The following SUSD6 variants were observed in gnomAD, a reference collection of about 807,000 sequenced individuals.
The protein encoded by SUSD6 is sushi domain-containing protein 6.
A neutral mutation model predicts 28.4 loss-of-function variants in SUSD6; 16 were observed. That is an observed-to-expected ratio of 0.56 (90% CI 0.38 to 0.86). The LOEUF (loss-of-function observed/expected upper bound fraction) is 0.86. SUSD6 is among the 40% of genes least tolerant of loss of function. The pLI is 0.00. For missense variants in SUSD6, 341 were observed against 384.2 expected, an observed-to-expected ratio of 0.89 and a Z score of 0.94; for synonymous variants, 147 against 159.6, an observed-to-expected ratio of 0.92 and a Z score of 0.59.
At chr14:69,616,587 T>G (rs1884962413) in intron 1 of SUSD6, among the ~76,000 whole-genome samples, 1 of 152,228 alleles carries the variant, frequency 6.6e-6, no homozygotes, top group Non-Finnish European at 1.5e-5. Context: ...GTGATTTTGC[T>G]TAATTTGCAT....
At chr14:69,684,320 A>G (rs1043599598) in intron 2 of SUSD6, among the ~76,000 whole-genome samples, 5 of 152,220 alleles carry the variant, frequency 3.3e-5, no homozygotes, top group African/African-American at 1.2e-4. Context: ...GATTTTAAAT[A>G]AGAAATCTGA....
intron 1 of SUSD6, among the ~76,000 whole-genome samples, chr14:69,616,656 TG>T (rs1446429693): frequency 1.3e-5 from 2 of 152,094 alleles, no homozygotes; most frequent in African/African-American, 4.8e-5. Context: ...TGTTTTTTGG[TG>T]GGGAGGCACA....
At chr14:69,678,531 G>T (rs1885951175) in intron 2 of SUSD6, among the ~76,000 whole-genome samples, 3 of 152,108 alleles carry the variant, frequency 2.0e-5, no homozygotes, top group Admixed American at 1.3e-4. Flanking sequence ...GGCTGGGCAT[G>T]ATGGCTCACA....
chr14:69,682,544 TAAAA>T (rs997557080), intron 2 of SUSD6, among the ~76,000 whole-genome samples: 1 of 150,792 alleles, frequency 6.6e-6, no homozygotes, highest in Non-Finnish European at 1.5e-5. Flanking sequence ...TCTCCCCAAT[TAAAA>T]AAAAACAGAG....
rs1441114276 is a variant in SUSD6 at position 69,658,860 on chromosome 14, G to GAGCC, written c.121+150_121+153dup. 5 of 1,047,294 alleles carry GAGCC rather than the reference G, an allele frequency of 4.8e-6. No homozygotes were observed. The African/African-American group carries it at 7.9e-5, about 17-fold the overall frequency. 64.9% of individuals were successfully genotyped at this position (1,047,294 alleles called of 1,614,324 possible). A position where few individuals can be genotyped will look rare whatever the true frequency, so the allele number is the denominator to read the frequency against. On this transcript the variant is annotated intron_variant, in intron 2 of 5. Transcript: ENST00000342745. ...GGGCTTTTGTGGTAAATATAGCAGG[G>GAGCC]AGCCAGTCCTTCTGAGGTCTAATGA...
intron 2 of SUSD6, among the ~76,000 whole-genome samples, chr14:69,664,077 C>A (rs1885702725): frequency 6.6e-6 from 1 of 151,758 alleles, no homozygotes; most frequent in Non-Finnish European, 1.5e-5. Flanking sequence ...CTTCCAGGTT[C>A]ACGCCATTCT....
chr14:69,653,010 C>T (rs1225235144), intron 1 of SUSD6, among the ~76,000 whole-genome samples: 5 of 152,098 alleles, frequency 3.3e-5, no homozygotes, highest in Non-Finnish European at 4.4e-5. Context: ...ACAGAGTCTA[C>T]GGAGATAGTC....
At chr14:69,661,712 T>C (rs894594526) in intron 2 of SUSD6, among the ~76,000 whole-genome samples, 2 of 152,178 alleles carry the variant, frequency 1.3e-5, no homozygotes, top group Admixed American at 6.5e-5. Context: ...AGCAGGCTTG[T>C]CCAGAAACCA....
chr14:69,688,567 A>G (rs1594718563), intron 2 of SUSD6, among the ~76,000 whole-genome samples: 1 of 152,180 alleles, frequency 6.6e-6, no homozygotes, highest in Admixed American at 6.5e-5. Context: ...TGACCACAAG[A>G]TATCTTTGTA....
At chr14:69,628,281 C>G (rs1885144481) in intron 1 of SUSD6, among the ~76,000 whole-genome samples, 1 of 152,190 alleles carries the variant, frequency 6.6e-6, no homozygotes, top group African/African-American at 2.4e-5. Flanking sequence ...ATCACTTTCT[C>G]TCACCACGTG....
chr14:69,696,194 C>G (rs983929823), intron 2 of SUSD6, among the ~76,000 whole-genome samples: 3 of 152,224 alleles, frequency 2.0e-5, no homozygotes, highest in African/African-American at 7.2e-5. Flanking sequence ...GCCAGAGTTC[C>G]TGGTGAATCC....
intron 1 of SUSD6, among the ~76,000 whole-genome samples, chr14:69,647,764 C>T (rs577466642): frequency 6.6e-6 from 1 of 152,242 alleles, no homozygotes; most frequent in African/African-American, 2.4e-5. Context: ...GCAGGCAGAT[C>T]ACATGAGACC....
chr14:69,642,608 G>A (rs1344850758), intron 1 of SUSD6, among the ~76,000 whole-genome samples: 2 of 152,052 alleles, frequency 1.3e-5, no homozygotes, highest in African/African-American at 4.8e-5. Context: ...CATGAGAATA[G>A]CATGGGAAAG....
At chr14:69,612,560 C>T (rs1428842894) in intron 1 of SUSD6, among the ~76,000 whole-genome samples, 2 of 152,076 alleles carry the variant, frequency 1.3e-5, no homozygotes, top group African/African-American at 4.8e-5. Context: ...AAAAGTTACC[C>T]TGGACGAATT....
chr14:69,615,993 C>G (rs977994936), intron 1 of SUSD6, among the ~76,000 whole-genome samples: 1 of 152,178 alleles, frequency 6.6e-6, no homozygotes, highest in Admixed American at 6.5e-5. Context: ...AAATGTACTC[C>G]CCGCTCCTAC....
chr14:69,708,875 C>T lies in SUSD6; in HGVS notation c.657C>T (p.Asp219=). ...RSVPREQQLP[D]QGACSSAGGE... ...TGCCAAGGGAGCAACAGCTGCCGGA[C>T]CAAGGGGCCTGCTCCTCTGCAGGTG... The change falls in exon 5 of 6, where the codon GAC becomes GAT. Residue 219 remains aspartate, a synonymous_variant. Coordinates refer to ENST00000342745, the MANE Select transcript of SUSD6 (RefSeq NM_014734.4). 1 of 1,614,124 alleles carries T rather than the reference C, an allele frequency of 6.2e-7. No homozygotes were observed.
intron 1 of SUSD6, among the ~76,000 whole-genome samples, chr14:69,630,408 C>T (rs1223324264): frequency 1.3e-5 from 2 of 152,206 alleles, no homozygotes; most frequent in African/African-American, 4.8e-5. Context: ...CAGAAAGCAT[C>T]AGCATTTCTG....
At chr14:69,617,852 T>G (rs2139589007) in intron 1 of SUSD6, among the ~76,000 whole-genome samples, 1 of 152,050 alleles carries the variant, frequency 6.6e-6, no homozygotes, top group East Asian at 1.9e-4. Context: ...GCCAGCAAGG[T>G]AGGGAGGAGG....
intron 2 of SUSD6, among the ~76,000 whole-genome samples, chr14:69,701,597 G>T (rs1432619525): frequency 6.6e-6 from 1 of 152,154 alleles, no homozygotes; most frequent in African/African-American, 2.4e-5. Flanking sequence ...GAACTACTTG[G>T]CCAAAGTTAA....
Sources: gnomAD v4.1 joint callset for allele counts (sites outside exome capture counted in the v4.1 genomes callset) on GRCh38, gnomAD v4.1.1 for gene constraint, MANE v1.5 for transcripts, NCBI Gene and HGNC (gene_info 2026-07-23, HGNC 2026-07-21) for gene names.